The following CRIP1 variants were observed in gnomAD, a reference collection of about 807,000 sequenced individuals.
CRIP1 encodes cysteine-rich protein 1.
Under a neutral mutation model 12.9 loss-of-function variants are expected in CRIP1, and 11 were observed. The ratio of observed to expected loss-of-function variants is 0.86; its 90% CI spans 0.54 to 1.42. The LOEUF is 1.42. Among genes scored for constraint, CRIP1 ranks in the 40% most tolerant of loss-of-function variants. The probability of loss-of-function intolerance (pLI) is 0.00; values close to 1 mark genes in which losing one functional copy is unlikely to be tolerated. For missense variants in CRIP1, 122 were observed against 101.3 expected, an observed-to-expected ratio of 1.20 and a Z score of -0.88; for synonymous variants, 41 against 37.2, an observed-to-expected ratio of 1.10 and a Z score of -0.37.
Position 105,488,536 on chromosome 14 carries a change from C to G in CRIP1, c.*5+20C>G, listed in dbSNP as rs782390379. On this transcript the variant is annotated intron_variant, in intron 5 of 5. Transcript: ENST00000392531. ...AACCAGGTAGGTAGGACCCCACCCCCTATCCTGCCTCCTGGTTCCACCCTC... is the reference window on the plus strand; with the variant it reads ...AACCAGGTAGGTAGGACCCCACCCCGTATCCTGCCTCCTGGTTCCACCCTC... 4 of 1,568,420 alleles carry G rather than the reference C, an allele frequency of 2.6e-6. No homozygotes were observed. In the South Asian group the frequency reaches 3.6e-5, roughly 14 times the overall value.
In CRIP1 at chr14:105,486,935, G is replaced by C. The variant is rs1277319945; in HGVS notation, c.-99G>C. On this transcript the variant is annotated 5_prime_UTR_variant, in exon 1 of 6. Coordinates refer to ENST00000392531, the MANE Select transcript of CRIP1 (RefSeq NM_001311.5). ...GAGACATCACAGCGCTGGGCTAGGGGCGCGGCTTGAACTCGCCTAAAGAGC... is the reference window on the plus strand; with the variant it reads ...GAGACATCACAGCGCTGGGCTAGGGCCGCGGCTTGAACTCGCCTAAAGAGC... The C allele has an allele frequency of 1.7e-6, 2 of 1,160,462 alleles. No homozygotes were observed. The allele number at this position is 1,160,462 out of a possible 1,614,324, so 71.9% of individuals were successfully genotyped here.
intron 2 of CRIP1, 154 bp downstream of exon 2, chr14:105,487,453 G>A (rs587764887): frequency 3.9e-5 from 24 of 623,110 alleles, no homozygotes; most frequent in Non-Finnish European, 5.4e-5. Flanking sequence ...CGGGATGAGG[G>A]TGGAGGCCCC....
At position 105,488,494 on chromosome 14, in the gene CRIP1, A is replaced by T; in HGVS notation, c.217A>T (p.Ser73Cys). The part of the protein sequence containing the change: ...PKGFGRGGAE[S>C]HTFK ...AGGCTTTGGGCGGGGCGGAGCCGAG[A>T]GCCACACTTTCAAGTAAACCAGGTA... Residue 73 changes from serine to cysteine, a missense_variant, in exon 5 of 6, where the codon AGC (serine) becomes TGC (cysteine). Physicochemically the swap from Ser to Cys is moderately radical, Grantham distance 112. Transcript: ENST00000392531. The T allele has an allele frequency of 1.3e-6, 2 of 1,599,416 alleles. No individual in the cohort carries two copies. Among genetic ancestry groups the T allele is most frequent in the Non-Finnish European group, 1.7e-6 (2 of 1,173,636 alleles).
rs886106802 is a variant in CRIP1 at position 105,487,543 on chromosome 14, C to T, written c.40+244C>T. Reference sequence around the variant, plus strand: ...GGGCTACCTCTGGCTCTGAGCCTCCCCGTCTCTGGGTCCTACGGTCTCTGC... The same window carrying T: ...GGGCTACCTCTGGCTCTGAGCCTCCTCGTCTCTGGGTCCTACGGTCTCTGC... On this transcript the variant is annotated intron_variant, in intron 2 of 5. Coordinates refer to ENST00000392531, the MANE Select transcript of CRIP1 (RefSeq NM_001311.5). 7 of 488,790 alleles carry T rather than the reference C, an allele frequency of 1.4e-5. No individual in the cohort carries two copies. The South Asian group carries it at 2.2e-4, about 15-fold the overall frequency. 30.3% of individuals were successfully genotyped at this position (488,790 alleles called of 1,614,324 possible).
rs782331469 is a variant in CRIP1 at position 105,488,398 on chromosome 14, CGTCATCCCCA to C, written c.193+11_193+20del. On this transcript the variant is annotated intron_variant, in intron 4 of 5. Transcript: ENST00000392531. ...ATGTTTGGGCCTAAAGGTATGCTCC[CGTCATCCCCA>C]CCCCACCCCACCCCACAGCCTCCTC... 6.2e-7 allele frequency: 1 copy of C among 1,610,078 alleles called. No homozygotes were observed. Among genetic ancestry groups the C allele is most frequent in the Admixed American group, 1.7e-5 (1 of 59,842 alleles).
At chr14:105,487,071 C>G (rs1163259165) in intron 1 of CRIP1, 99 bp downstream of exon 1, 1 of 1,374,212 alleles carries the variant, frequency 7.3e-7, no homozygotes, top group Admixed American at 3.3e-5. Flanking sequence ...TTCTTGGGCC[C>G]TGGGCCTAGA....
At chr14:105,488,585 G>A in intron 5 of CRIP1, 69 bp downstream of exon 5, 3 of 1,512,598 alleles carry the variant, frequency 2.0e-6, no homozygotes, top group Non-Finnish European at 2.7e-6. Flanking sequence ...CCCCTCCCAG[G>A]GAGGCCTGAC....
At chr14:105,486,996 C>T in intron 1 of CRIP1, 24 bp downstream of exon 1, 4 of 1,304,710 alleles carry the variant, frequency 3.1e-6, no homozygotes, top group South Asian at 2.2e-5. Context: ...GCCCCCTGCC[C>T]CCCCGCGCTC....
At chr14:105,487,549 C>G in intron 2 of CRIP1, 1 of 481,316 alleles carries the variant, frequency 2.1e-6, no homozygotes, top group South Asian at 3.2e-5. Flanking sequence ...CTCCCCGTCT[C>G]TGGGTCCTAC....
chr14:105,486,895 CG>C lies in CRIP1; in HGVS notation c.-137del. 9.3e-6 allele frequency: 10 copies of C among 1,069,844 alleles called. No individual in the cohort carries two copies. The highest frequency in any genetic ancestry group is 1.1e-5 in the Non-Finnish European group (10 of 884,420). 66.3% of individuals were successfully genotyped at this position (1,069,844 alleles called of 1,614,324 possible). A position where few individuals can be genotyped will look rare whatever the true frequency, so the allele number is the denominator to read the frequency against. On this transcript the variant is annotated 5_prime_UTR_variant, in exon 1 of 6. Coordinates refer to ENST00000392531, the MANE Select transcript of CRIP1 (RefSeq NM_001311.5). ...CCTGCTGCGGGTGAGCCTTTTGCCT[CG>C]GAACTGGACCCGGGAGACATCACAG...
intron 1 of CRIP1, 103 bp downstream of exon 1, chr14:105,487,075 GCC>G (rs2084127462): frequency 7.3e-7 from 1 of 1,373,810 alleles, no homozygotes; most frequent in African/African-American, 1.5e-5. Context: ...TGGGCCCTGG[GCC>G]TAGATTCGAG....
Position 105,487,216 on chromosome 14 carries a change from G to T in CRIP1, c.-44G>T, listed in dbSNP as rs1475053338. 13 of 1,539,400 alleles carry T rather than the reference G, an allele frequency of 8.4e-6. No individual in the cohort carries two copies. The highest frequency in any genetic ancestry group is 1.1e-5 in the Non-Finnish European group (13 of 1,142,876). Reference sequence around the variant, plus strand: ...CCACCCAGTCTCGCGCCTGCAGCCCGTGCCGCCCCAGCCGCTGCCGCCTGC... The same window carrying T: ...CCACCCAGTCTCGCGCCTGCAGCCCTTGCCGCCCCAGCCGCTGCCGCCTGC... On this transcript the variant is annotated 5_prime_UTR_variant, in exon 2 of 6. Transcript: ENST00000392531.
Position 105,488,214 on chromosome 14 carries a change from A to C in CRIP1, c.89A>C (p.Lys30Thr), listed in dbSNP as rs587683805. 2.8e-5 allele frequency: 45 copies of C among 1,613,200 alleles called. No individual in the cohort carries two copies. Among genetic ancestry groups the C allele is most frequent in the Non-Finnish European group, 3.6e-5 (43 of 1,180,008 alleles). Reference protein sequence around the residue: ...LGKDWHRPCLKCEKCGKTLTS... With the variant: ...LGKDWHRPCLTCEKCGKTLTS... The stretch of plus-strand genomic sequence containing the variant: ...AAGGACTGGCATCGGCCCTGCCTGA[A>C]GTGCGAGAAATGTGGGAAGACGCTG... The change falls in exon 3 of 6, where the codon AAG becomes ACG. Residue 30 changes from lysine to threonine, a missense_variant. Physicochemically the swap from Lys to Thr is moderately conservative, Grantham distance 78. Transcript: ENST00000392531.
In CRIP1 at chr14:105,488,687, G is replaced by A; in HGVS notation, c.*30G>A. On this transcript the variant is annotated 3_prime_UTR_variant, in exon 6 of 6. Coordinates refer to ENST00000392531, the MANE Select transcript of CRIP1 (RefSeq NM_001311.5). ...GGTGGTGGAGACCCCATCCTTGGCT[G>A]CTTGCAGGGCCACTGTCCAGGCAAA... 4.3e-6 allele frequency: 3 copies of A among 700,136 alleles called. No individual in the cohort carries two copies. Among genetic ancestry groups the A allele is most frequent in the Middle Eastern group, 4.1e-4 (1 of 2,426 alleles). The allele number at this position is 700,136 out of a possible 1,614,324, so 43.4% of individuals were successfully genotyped here. A position where few individuals can be genotyped will look rare whatever the true frequency, so the allele number is the denominator to read the frequency against.
intron 1 of CRIP1, 44 bp downstream of exon 1, chr14:105,487,016 T>A: frequency 7.5e-7 from 1 of 1,327,988 alleles, no homozygotes; most frequent in Non-Finnish European, 9.7e-7. Flanking sequence ...CCGTCCTCAG[T>A]CAGGCCCGGG....
rs979992547 is a variant in CRIP1 at position 105,487,392 on chromosome 14, T to C, written c.40+93T>C. ...AGGAGGACCGGGGGCGCTGGGTCCC[T>C]GGGGCGGCGCCCCAGCCTGAAAACG... On this transcript the variant is annotated intron_variant, in intron 2 of 5. Transcript: ENST00000392531. The C allele has an allele frequency of 4.3e-6, 5 of 1,157,048 alleles. No homozygotes were observed. In the South Asian group the frequency reaches 7.7e-5, roughly 18 times the overall value. 71.7% of individuals were successfully genotyped at this position (1,157,048 alleles called of 1,614,324 possible). A position where few individuals can be genotyped will look rare whatever the true frequency, so the allele number is the denominator to read the frequency against.
intron 2 of CRIP1, chr14:105,487,901 C>CT (rs2141773025): frequency 1.9e-6 from 1 of 522,026 alleles, no homozygotes; most frequent in African/African-American, 1.9e-5. Flanking sequence ...CCCACCCAGC[C>CT]TTCAGGAGCA....
chr14:105,487,227 G>T lies in CRIP1; in HGVS notation c.-33G>T, dbSNP rs1555438189. The stretch of plus-strand genomic sequence containing the variant: ...CGCGCCTGCAGCCCGTGCCGCCCCA[G>T]CCGCTGCCGCCTGCACCGGACCCGG... On this transcript the variant is annotated 5_prime_UTR_variant, in exon 2 of 6. Transcript: ENST00000392531. 1.1e-5 allele frequency: 17 copies of T among 1,542,036 alleles called. No individual in the cohort carries two copies. Among genetic ancestry groups the T allele is most frequent in the Non-Finnish European group, 1.5e-5 (17 of 1,143,886 alleles).
At chr14:105,488,450 C>G in intron 4 of CRIP1, 21 bp from the exon 5 acceptor site, 1 of 1,398,230 alleles carries the variant, frequency 7.2e-7, no homozygotes, top group Non-Finnish European at 9.5e-7. Flanking sequence ...AGCCTGTTGA[C>G]TTTTTCCACC....
Sources: gnomAD v4.1 joint callset for allele counts on GRCh38, gnomAD v4.1.1 for gene constraint, MANE v1.5 for transcripts, NCBI Gene and HGNC (gene_info 2026-07-23, HGNC 2026-07-21) for gene names.